The following ANKRD6 variants were observed in gnomAD, a reference collection of about 807,000 sequenced individuals.
ANKRD6 encodes ankyrin repeat domain 6, also known as ankyrin repeat domain-containing protein 6.
ANKRD6 carries 56 observed loss-of-function variants against 82.3 expected under a neutral mutation model. The observed-to-expected ratio is 0.68, with a 90% confidence interval of 0.55 to 0.85. The LOEUF is 0.85. ANKRD6 is among the 40% of genes least tolerant of loss of function. ANKRD6 has a pLI of 0.00. For missense variants in ANKRD6, 852 were observed against 907.6 expected, an observed-to-expected ratio of 0.94 and a Z score of 0.79; for synonymous variants, 347 against 352.1, an observed-to-expected ratio of 0.99 and a Z score of 0.16.
chr6:89,633,471 A>G lies in ANKRD6; in HGVS notation c.*2467A>G, dbSNP rs2128293991. The G allele has an allele frequency of 6.6e-6, 1 of 152,374 alleles. No homozygotes were observed. Among genetic ancestry groups the G allele is most frequent in the African/African-American group, 2.4e-5 (1 of 41,594 alleles). 9.4% of individuals were successfully genotyped at this position (152,374 alleles called of 1,614,324 possible). The stretch of plus-strand genomic sequence containing the variant: ...AAAGAAAAAGAACTATTGACAACTT[A>G]TAGCCTGTCATGCAGGTCATGTTTC... On this transcript the variant is annotated 3_prime_UTR_variant, in exon 16 of 16. Coordinates refer to ENST00000339746, the MANE Select transcript of ANKRD6 (RefSeq NM_001242809.2).
intron 1 of ANKRD6, among the ~76,000 whole-genome samples, chr6:89,528,900 G>T (rs1178813808): frequency 6.6e-6 from 1 of 152,254 alleles, no homozygotes; most frequent in Non-Finnish European, 1.5e-5. Flanking sequence ...TATCTGAGCA[G>T]TAGGTCTCAA....
chr6:89,588,602 A>G (rs1794248551), intron 2 of ANKRD6, among the ~76,000 whole-genome samples: 1 of 152,132 alleles, frequency 6.6e-6, no homozygotes, highest in Non-Finnish European at 1.5e-5. Context: ...TGTTTGAGCC[A>G]ATGAGTCTCA....
intron 14 of ANKRD6, 77 bp from the exon 15 acceptor site, chr6:89,629,035 T>G: frequency 6.7e-7 from 1 of 1,487,216 alleles, no homozygotes; most frequent in East Asian, 2.3e-5. Context: ...TCCTTGATGC[T>G]TTAATTCATA....
chr6:89,526,447 G>A (rs1257759868), intron 1 of ANKRD6, among the ~76,000 whole-genome samples: 7 of 152,176 alleles, frequency 4.6e-5, no homozygotes, highest in African/African-American at 1.7e-4. Flanking sequence ...CAGTAGTCCT[G>A]TTGGCAGGCT....
chr6:89,608,198 TGTAGCAG>T (rs1311915925), intron 5 of ANKRD6, among the ~76,000 whole-genome samples: 1 of 152,124 alleles, frequency 6.6e-6, no homozygotes, highest in Non-Finnish European at 1.5e-5. Flanking sequence ...AGATTGGGTC[TGTAGCAG>T]GGGCCTGAGA....
chr6:89,580,879 GTGGT>G (rs1792366406), intron 2 of ANKRD6, among the ~76,000 whole-genome samples: 1 of 152,188 alleles, frequency 6.6e-6, no homozygotes, highest in African/African-American at 2.4e-5. Context: ...CACTTACAAG[GTGGT>G]TGGTCAGGTG....
intron 8 of ANKRD6, 85 bp from the exon 9 acceptor site, chr6:89,617,869 C>T (rs1020470851): frequency 7.9e-5 from 106 of 1,345,468 alleles, no homozygotes; most frequent in Non-Finnish European, 1.0e-4. Flanking sequence ...GAACTGCCTG[C>T]TCCTGGCCAG....
At chr6:89,492,760 C>T (rs920760556) in intron 1 of ANKRD6, among the ~76,000 whole-genome samples, 5 of 152,168 alleles carry the variant, frequency 3.3e-5, no homozygotes, top group Non-Finnish European at 7.4e-5. Context: ...ACAACAGGCC[C>T]TCCCCATTCT....
chr6:89,629,867 T>C lies in ANKRD6; in HGVS notation c.1613-566T>C, dbSNP rs116424817. 7.7e-3 allele frequency among the ~76,000 whole-genome samples: 1,170 copies of C among 152,316 alleles called. 16 individuals carry two copies. Among genetic ancestry groups the C allele is most frequent in the African/African-American group, 0.027 (1,124 of 41,558 alleles). ...ATCTCTGGAACTGTGGTTTCATCTTTGTGTCAACAACATGGGGAAACATCC... is the reference window on the plus strand; with the variant it reads ...ATCTCTGGAACTGTGGTTTCATCTTCGTGTCAACAACATGGGGAAACATCC... On this transcript the variant is annotated intron_variant, in intron 15 of 15. Coordinates refer to ENST00000339746, the MANE Select transcript of ANKRD6 (RefSeq NM_001242809.2).
chr6:89,539,741 C>CT lies in ANKRD6; in HGVS notation c.-143-27080dup, dbSNP rs570865099. On this transcript the variant is annotated intron_variant, in intron 1 of 15. Coordinates refer to ENST00000339746, the MANE Select transcript of ANKRD6 (RefSeq NM_001242809.2). ...GTGCTATCAAATAGTAGGTCTTATT[C>CT]TTTTTTTTTTTTTACACCCATTAGC... Among the ~76,000 whole-genome samples, 1,386 of 142,650 alleles carry CT rather than the reference C, an allele frequency of 9.7e-3. 18 individuals are homozygous for CT. The highest frequency in any genetic ancestry group is 0.022 in the African/African-American group (852 of 39,024). The allele number at this position is 142,650 out of a possible 152,430, so 93.6% of individuals were successfully genotyped here.
chr6:89,545,389 G>A (rs1367576257), intron 1 of ANKRD6, among the ~76,000 whole-genome samples: 1 of 152,110 alleles, frequency 6.6e-6, no homozygotes, highest in Non-Finnish European at 1.5e-5. Flanking sequence ...GTGGTTTCCT[G>A]TAGCGGTAGT....
chr6:89,560,054 A>T (rs911728076), intron 1 of ANKRD6, among the ~76,000 whole-genome samples: 1 of 152,206 alleles, frequency 6.6e-6, no homozygotes, highest in African/African-American at 2.4e-5. Flanking sequence ...CTCTGGGGAT[A>T]CAAGATGACC....
intron 7 of ANKRD6, 54 bp downstream of exon 7, chr6:89,613,944 G>A (rs72913908): frequency 0.011 from 17,157 of 1,579,182 alleles, 111 homozygotes; most frequent in Non-Finnish European, 0.013. Context: ...CAAGGCTACC[G>A]GACAGGTCTG....
At chr6:89,590,961 G>T (rs1247634087) in intron 2 of ANKRD6, among the ~76,000 whole-genome samples, 1 of 152,106 alleles carries the variant, frequency 6.6e-6, no homozygotes, top group African/African-American at 2.4e-5. Flanking sequence ...ATAAATTCTG[G>T]CCGCTGCTGT....
chr6:89,587,278 C>G (rs999445900), intron 2 of ANKRD6, among the ~76,000 whole-genome samples: 6 of 151,390 alleles, frequency 4.0e-5, no homozygotes. Context: ...ATCATGAGGT[C>G]AAGAGATCAA....
At chr6:89,495,191 C>T (rs1778455871) in intron 1 of ANKRD6, among the ~76,000 whole-genome samples, 1 of 152,204 alleles carries the variant, frequency 6.6e-6, no homozygotes, top group African/African-American at 2.4e-5. Context: ...CAAGATTGTG[C>T]CACTGCACGC....
chr6:89,441,620 CTTTTTTTTTT>C (rs71556522), intron 1 of ANKRD6, among the ~76,000 whole-genome samples: 996 of 80,474 alleles, frequency 0.012, 21 homozygotes, highest in African/African-American at 0.047. Flanking sequence ...CTTTTCTTTC[CTTTTTTTTTT>C]TTTTTTTTTT....
chr6:89,486,277 G>A (rs1777357726), intron 1 of ANKRD6, among the ~76,000 whole-genome samples: 1 of 152,168 alleles, frequency 6.6e-6, no homozygotes, highest in African/African-American at 2.4e-5. Context: ...TGCAGATCAA[G>A]TAGCAGAAAT....
chr6:89,621,800 C>A, intron 9 of ANKRD6, 122 bp from the exon 10 acceptor site: 1 of 940,820 alleles, frequency 1.1e-6, no homozygotes, highest in Non-Finnish European at 1.7e-6. Flanking sequence ...TTGATGTGAA[C>A]ACCTGCTCTC....
Sources: allele counts gnomAD v4.1 joint callset (sites outside exome capture counted in the v4.1 genomes callset), GRCh38; gene constraint gnomAD v4.1.1; transcripts MANE v1.5; gene names NCBI Gene and HGNC (gene_info 2026-07-23, HGNC 2026-07-21).